Variants in ARHGAP20 observed in about 807,000 individuals in gnomAD.
ARHGAP20 encodes Rho GTPase activating protein 20, also known as rho GTPase-activating protein 20.
In ARHGAP20, 34 loss-of-function variants were observed where a neutral mutation model predicts 73.7. The ratio of observed to expected loss-of-function variants is 0.46; its 90% CI spans 0.35 to 0.61. The LOEUF is 0.61. Among genes scored for constraint, ARHGAP20 ranks in the 20% least tolerant of loss-of-function variants. The pLI is 0.00. For synonymous variants in ARHGAP20, 523 were observed against 518.2 expected (o/e 1.01, Z -0.13); for missense variants, 1,314 against 1,420.9 (o/e 0.92, Z 1.21).
At chr11:110,696,097 A>T (rs1950330358) in intron 1 of ARHGAP20, among the ~76,000 whole-genome samples, 1 of 151,662 alleles carries the variant, frequency 6.6e-6, no homozygotes, top group African/African-American at 2.4e-5. Context: ...TTTCATTTAT[A>T]TAAAGTGCCC....
At chr11:110,633,171 G>C (rs572199527) in intron 2 of ARHGAP20, among the ~76,000 whole-genome samples, 105 of 152,234 alleles carry the variant, frequency 6.9e-4, no homozygotes, top group African/African-American at 2.3e-3. Flanking sequence ...TAGAGGGCCA[G>C]GTTCATTTTT....
intron 11 of ARHGAP20, among the ~76,000 whole-genome samples, chr11:110,587,813 C>T (rs577445681): frequency 6.6e-6 from 1 of 152,050 alleles, no homozygotes; most frequent in Admixed American, 6.5e-5. Flanking sequence ...AATTCAAAGT[C>T]TTCTTCTGTT....
At chr11:110,638,304 T>C (rs1353086283) in intron 2 of ARHGAP20, among the ~76,000 whole-genome samples, 2 of 152,022 alleles carry the variant, frequency 1.3e-5, no homozygotes, top group Non-Finnish European at 2.9e-5. Context: ...AGATATCTCA[T>C]TATCTATAAG....
chr11:110,698,701 G>T (rs116884996), intron 1 of ARHGAP20, among the ~76,000 whole-genome samples: 527 of 151,844 alleles, frequency 3.5e-3, no homozygotes, highest in Admixed American at 7.3e-3. Flanking sequence ...TAGTTTATAC[G>T]CATAGAGGTG....
At chr11:110,581,468 T>C (rs923401931) in intron 14 of ARHGAP20, among the ~76,000 whole-genome samples, 2 of 152,206 alleles carry the variant, frequency 1.3e-5, no homozygotes, top group East Asian at 1.9e-4. Context: ...GCAATGAACA[T>C]GTCATATGAC....
chr11:110,705,629 A>G (rs1244269998), intron 1 of ARHGAP20, among the ~76,000 whole-genome samples: 1 of 152,202 alleles, frequency 6.6e-6, no homozygotes, highest in Non-Finnish European at 1.5e-5. Context: ...TTCTTCTGCC[A>G]TGGTAAAATG....
intron 1 of ARHGAP20, among the ~76,000 whole-genome samples, chr11:110,694,860 A>G (rs908978825): frequency 6.6e-6 from 1 of 151,636 alleles, no homozygotes; most frequent in Non-Finnish European, 1.5e-5. Flanking sequence ...TGTGAATTAA[A>G]AAACCCACTA....
chr11:110,593,358 G>A (rs909956822), intron 9 of ARHGAP20, among the ~76,000 whole-genome samples: 2 of 152,092 alleles, frequency 1.3e-5, no homozygotes, highest in Admixed American at 6.5e-5. Context: ...TCTCTTTAAG[G>A]TTACACTTTT....
Position 110,703,287 on chromosome 11 carries a change from C to T in ARHGAP20, c.105+8840G>A, listed in dbSNP as rs182049748. ...TTACTTTCCAGCTCTTTCCTCTTTC[C>T]GAAGGACTACTACCATGTTGAAATA... On this transcript the variant is annotated intron_variant, in intron 1 of 14. Transcript: ENST00000683387. Among the ~76,000 whole-genome samples, 28 of 152,114 alleles carry T rather than the reference C, an allele frequency of 1.8e-4. No homozygotes were observed. In the South Asian group the frequency reaches 5.0e-3, roughly 27 times the overall value.
At chr11:110,692,361 T>C (rs1950259385) in intron 1 of ARHGAP20, among the ~76,000 whole-genome samples, 1 of 152,098 alleles carries the variant, frequency 6.6e-6, no homozygotes, top group Non-Finnish European at 1.5e-5. Flanking sequence ...TTTTGCAGGG[T>C]TCTGTTTCAC....
chr11:110,612,899 C>T (rs7118096), intron 6 of ARHGAP20, among the ~76,000 whole-genome samples: 28,210 of 152,128 alleles, frequency 0.19, 2,878 homozygotes, highest in East Asian at 0.31. Flanking sequence ...CTTTGGAGCA[C>T]TCAACCCAGT....
chr11:110,588,969 G>A (rs1016532465), intron 11 of ARHGAP20, among the ~76,000 whole-genome samples: 3 of 152,092 alleles, frequency 2.0e-5, no homozygotes, highest in African/African-American at 2.4e-5. Flanking sequence ...CTACTCAGGA[G>A]GCTGAGGCAG....
At chr11:110,609,771 T>C (rs1948322392) in intron 7 of ARHGAP20, among the ~76,000 whole-genome samples, 1 of 152,144 alleles carries the variant, frequency 6.6e-6, no homozygotes, top group South Asian at 2.1e-4. Context: ...TTCATATCCT[T>C]GCCTTTAACT....
chr11:110,658,871 A>G (rs1949533514), intron 2 of ARHGAP20, among the ~76,000 whole-genome samples: 1 of 152,164 alleles, frequency 6.6e-6, no homozygotes, highest in Non-Finnish European at 1.5e-5. Context: ...TTGCCCTTCA[A>G]GTGTTGCTAA....
chr11:110,639,405 A>T (rs1315213402), intron 2 of ARHGAP20, among the ~76,000 whole-genome samples: 1 of 151,932 alleles, frequency 6.6e-6, no homozygotes, highest in Non-Finnish European at 1.5e-5. Context: ...AACAAAAACA[A>T]AGAACTAGTA....
Position 110,579,897 on chromosome 11 carries a change from T to C in ARHGAP20, c.3049A>G (p.Lys1017Glu), listed in dbSNP as rs377611284. ...GAATGCCACTCCATGGTGTCCTTCT[T>C]TGTATAGGCTGGGCGGCTGCAAGCC... ...GQACSRPAYT[K>E]KDTMEWHSQM... The change falls in exon 15 of 15, where the codon AAG becomes GAG. Residue 1017 changes from lysine (K) to glutamate (E), a missense_variant. Lys to Glu is a moderately conservative substitution (Grantham distance 56). Transcript: ENST00000683387. 1.9e-6 allele frequency: 3 copies of C among 1,614,060 alleles called. No homozygotes were observed. Among genetic ancestry groups the C allele is most frequent in the Non-Finnish European group, 2.5e-6 (3 of 1,180,034 alleles).
chr11:110,586,449 G>C lies in ARHGAP20; in HGVS notation c.1306-124C>G, dbSNP rs1014421374. 7 of 450,046 alleles carry C rather than the reference G, an allele frequency of 1.6e-5. No homozygotes were observed. In the South Asian group the frequency reaches 3.3e-4, roughly 22 times the overall value. 27.9% of individuals were successfully genotyped at this position (450,046 alleles called of 1,614,324 possible). On this transcript the variant is annotated intron_variant, in intron 11 of 14. Coordinates refer to ENST00000683387, the MANE Select transcript of ARHGAP20 (RefSeq NM_001384657.1). ...TACTCTCTTCTGTGAACTACACAGA[G>C]CTCTGCGCCAACTCTCCATTGACTT...
At chr11:110,595,556 G>A (rs1181645786) in intron 9 of ARHGAP20, among the ~76,000 whole-genome samples, 1 of 152,118 alleles carries the variant, frequency 6.6e-6, no homozygotes, top group Non-Finnish European at 1.5e-5. Flanking sequence ...GCTTCAAAGA[G>A]AATAAAATAC....
chr11:110,596,999 G>T (rs1257520423), intron 9 of ARHGAP20, among the ~76,000 whole-genome samples: 1 of 152,108 alleles, frequency 6.6e-6, no homozygotes, highest in Non-Finnish European at 1.5e-5. Flanking sequence ...TAGGGACATG[G>T]ATGAAACTGG....
Sources: gnomAD v4.1 joint callset for allele counts (sites outside exome capture counted in the v4.1 genomes callset) on GRCh38, gnomAD v4.1.1 for gene constraint, MANE v1.5 for transcripts, NCBI Gene and HGNC (gene_info 2026-07-23, HGNC 2026-07-21) for gene names.